The following ELAVL4 variants were observed in gnomAD, a reference collection of about 807,000 sequenced individuals.
The protein encoded by ELAVL4 is ELAV-like protein 4.
A neutral mutation model predicts 35.6 loss-of-function variants in ELAVL4; 1 was observed. That is an observed-to-expected ratio of 0.03 (90% CI 0.01 to 0.13). The LOEUF is 0.13. Ranked by LOEUF, ELAVL4 falls within the 10% of genes least tolerant of loss-of-function variation. The pLI is 1.00. For synonymous variants in ELAVL4, 156 were observed against 171.0 expected (o/e 0.91, Z 0.69); for missense variants, 267 against 464.9 (o/e 0.57, Z 3.91).
intron 2 of ELAVL4, among the ~76,000 whole-genome samples, chr1:50,166,999 A>T (rs1402374005): frequency 6.6e-6 from 1 of 152,150 alleles, no homozygotes; most frequent in East Asian, 1.9e-4. Flanking sequence ...AGGAACAAAA[A>T]TTTTGCTAGT....
At chr1:50,068,555 T>A (rs1664371716) in intron 1 of ELAVL4, among the ~76,000 whole-genome samples, 1 of 152,206 alleles carries the variant, frequency 6.6e-6, no homozygotes, top group African/African-American at 2.4e-5. Flanking sequence ...TTTGTCATTG[T>A]CAAATCCTTG....
intron 1 of ELAVL4, chr1:50,109,928 CT>C: frequency 6.2e-7 from 1 of 1,612,246 alleles, no homozygotes; most frequent in Non-Finnish European, 8.5e-7. Flanking sequence ...GGTCCATCTT[CT>C]TCTGATCACA....
chr1:50,183,014 C>A (rs1447572041), intron 3 of ELAVL4, among the ~76,000 whole-genome samples: 1 of 151,962 alleles, frequency 6.6e-6, no homozygotes, highest in African/African-American at 2.4e-5. Context: ...CCTGCCACCA[C>A]GCCCGGCTGA....
In ELAVL4 at chr1:50,203,312, T is replaced by C. The variant is rs909296557; in HGVS notation, c.*2134T>C. 10 of 152,192 alleles carry C rather than the reference T, an allele frequency of 6.6e-5. No individual in the cohort carries two copies. The highest frequency in any genetic ancestry group is 2.4e-4 in the African/African-American group (10 of 41,448). 9.4% of individuals were successfully genotyped at this position (152,192 alleles called of 1,614,324 possible). On this transcript the variant is annotated 3_prime_UTR_variant, in exon 7 of 7. Transcript: ENST00000371824. ...GAAAAGGCAAACTTTGTAGTAGTCG[T>C]TGTAGTGGTAGACAGATAACGAATA...
intron 1 of ELAVL4, among the ~76,000 whole-genome samples, chr1:50,122,210 C>T (rs7515768): frequency 0.26 from 39,445 of 151,882 alleles, 5,380 homozygotes; most frequent in East Asian, 0.34. Flanking sequence ...TATTAAAGTG[C>T]CTACTATGTG....
chr1:50,076,928 T>C (rs1258652317), intron 1 of ELAVL4, among the ~76,000 whole-genome samples: 1 of 152,170 alleles, frequency 6.6e-6, no homozygotes, highest in Non-Finnish European at 1.5e-5. Context: ...TCAACTTCTC[T>C]AAGCCTCAGC....
chr1:50,049,602 G>A lies in ELAVL4; in HGVS notation c.18+1420G>A, dbSNP rs374393375. On this transcript the variant is annotated intron_variant, in intron 1 of 6. Transcript: ENST00000448907. ...ATAAAGTGACAGTACAATGCTGCGC[G>A]GCACCTCTCCTTTCAGTTTTTAGGT... Among the ~76,000 whole-genome samples, 59 of 152,252 alleles carry A rather than the reference G, an allele frequency of 3.9e-4. 1 individual carries two copies. In the South Asian group the frequency reaches 9.5e-3, roughly 25 times the overall value.
chr1:50,061,133 T>C lies in ELAVL4; in HGVS notation c.18+12951T>C, dbSNP rs1435327936. On this transcript the variant is annotated intron_variant, in intron 1 of 6. Transcript: ENST00000448907. ...TTGAAAAGTAAGGTCCTTATGATGC[T>C]CTGCGCTTAACTGTCAGTGAACAAA... Among the ~76,000 whole-genome samples, 4 of 152,236 alleles carry C rather than the reference T, an allele frequency of 2.6e-5. No homozygotes were observed. In the East Asian group the frequency reaches 7.7e-4, roughly 29 times the overall value.
chr1:50,108,318 A>ACTTG (rs1666528889), upstream of ELAVL4, among the ~76,000 whole-genome samples: 1 of 152,084 alleles, frequency 6.6e-6, no homozygotes, highest in Non-Finnish European at 1.5e-5. Flanking sequence ...TTAATCCCCA[A>ACTTG]CTTGCTTGCT....
At chr1:50,106,132 T>C (rs1361816501), upstream of ELAVL4, 1 of 449,748 alleles carries the variant, frequency 2.2e-6, no homozygotes, top group Non-Finnish European at 3.9e-6. Context: ...TTTTTTTATT[T>C]GCAGTTTCAG....
chr1:50,081,375 G>T (rs139931070), intron 1 of ELAVL4, among the ~76,000 whole-genome samples: 1 of 152,152 alleles, frequency 6.6e-6, no homozygotes, highest in African/African-American at 2.4e-5. Context: ...GATTAAGAGC[G>T]GTCTCTGGTG....
intron 2 of ELAVL4, among the ~76,000 whole-genome samples, chr1:50,146,339 A>G (rs1322389729): frequency 6.6e-6 from 1 of 152,318 alleles, no homozygotes; most frequent in East Asian, 1.9e-4. Context: ...AAACTTAAAT[A>G]CCACTGCTAC....
chr1:50,122,680 A>T (rs1002273651), intron 1 of ELAVL4, among the ~76,000 whole-genome samples: 1 of 152,114 alleles, frequency 6.6e-6, no homozygotes, highest in African/African-American at 2.4e-5. Context: ...TCAGCCAGAG[A>T]GAACATTTTC....
chr1:50,063,654 G>A (rs1664115008), intron 1 of ELAVL4, among the ~76,000 whole-genome samples: 1 of 151,934 alleles, frequency 6.6e-6, no homozygotes, highest in Non-Finnish European at 1.5e-5. Context: ...CAGATCTCAG[G>A]TGCTCCTCTC....
At chr1:50,154,066 C>T (rs1399090351) in intron 2 of ELAVL4, among the ~76,000 whole-genome samples, 1 of 152,216 alleles carries the variant, frequency 6.6e-6, no homozygotes, top group African/African-American at 2.4e-5. Context: ...ATACAGACAT[C>T]TTCAAGAGAT....
At chr1:50,100,685 A>T (rs1352065915), upstream of ELAVL4, among the ~76,000 whole-genome samples, 1 of 152,200 alleles carries the variant, frequency 6.6e-6, no homozygotes, top group Non-Finnish European at 1.5e-5. Context: ...AGCTCCTTGA[A>T]GGTGGGGACT....
intron 1 of ELAVL4, among the ~76,000 whole-genome samples, chr1:50,122,648 A>G (rs1669227177): frequency 6.6e-6 from 1 of 152,128 alleles, no homozygotes; most frequent in African/African-American, 2.4e-5. Context: ...CAAGAACTCA[A>G]ATTGTAAACT....
intron 1 of ELAVL4, among the ~76,000 whole-genome samples, chr1:50,117,946 A>G (rs74078443): frequency 0.019 from 2,821 of 152,240 alleles, 86 homozygotes; most frequent in African/African-American, 0.063. Context: ...GGATTTCACA[A>G]GCTGTATCCA....
At chr1:50,054,822 T>C (rs970286182) in intron 1 of ELAVL4, among the ~76,000 whole-genome samples, 2 of 152,146 alleles carry the variant, frequency 1.3e-5, no homozygotes, top group African/African-American at 4.8e-5. Context: ...ATCAACAAGC[T>C]CCCTTGCACT....
Sources: gnomAD v4.1 joint callset for allele counts (sites outside exome capture counted in the v4.1 genomes callset) on GRCh38, gnomAD v4.1.1 for gene constraint, MANE v1.5 for transcripts, NCBI Gene and HGNC (gene_info 2026-07-23, HGNC 2026-07-21) for gene names.